The following NOTCH1 variants were observed in gnomAD, a reference collection of about 807,000 sequenced individuals.
The protein encoded by NOTCH1 is neurogenic locus notch homolog protein 1.
NOTCH1 carries 37 observed loss-of-function variants against 254.8 expected under a neutral mutation model. That is an observed-to-expected ratio of 0.15 (90% CI 0.11 to 0.19). The LOEUF is 0.19. Among genes scored for constraint, NOTCH1 ranks in the 10% least tolerant of loss-of-function variants. The pLI is 1.00. For synonymous variants in NOTCH1, 1,731 were observed against 1,618.1 expected (o/e 1.07, Z -1.68); for missense variants, 2,972 against 3,708.6 (o/e 0.80, Z 5.16).
chr9:136,499,979 T>C (rs1325578466), intron 31 of NOTCH1, among the ~76,000 whole-genome samples: 1 of 152,198 alleles, frequency 6.6e-6, no homozygotes, highest in Non-Finnish European at 1.5e-5. Flanking sequence ...CTGAACCTGC[T>C]TGCTCCAGGG....
At chr9:136,509,479 G>A (rs1843143068) in intron 18 of NOTCH1, among the ~76,000 whole-genome samples, 1 of 152,218 alleles carries the variant, frequency 6.6e-6, no homozygotes, top group African/African-American at 2.4e-5. Flanking sequence ...AGTTCTCGTT[G>A]TCTAATAGAA....
At position 136,506,550 on chromosome 9, in the gene NOTCH1, C is replaced by T. The variant is rs769908800; in HGVS notation, c.3991G>A (p.Gly1331Arg). 8 of 1,607,126 alleles carry T rather than the reference C, an allele frequency of 5.0e-6. No individual in the cohort carries two copies. Among genetic ancestry groups the T allele is most frequent in the Non-Finnish European group, 6.8e-6 (8 of 1,178,128 alleles). The change falls in exon 24 of 34, where the codon GGG becomes AGG. Residue 1331 changes from glycine to arginine, a missense_variant. By Grantham distance (125) the Gly-to-Arg change is moderately radical (BLOSUM62 -2). Coordinates refer to ENST00000651671, the MANE Select transcript of NOTCH1 (RefSeq NM_017617.5). This position sits in a 1 kb window ranked among gnomAD's most constrained non-coding sequence, Gnocchi z 4.5. ...TCAVASNTAR[G>R]FICKCPAGFE... ...ACCGCAGGGCACTTGCAGATGAACC[C>T]GCGGGCGGTGTTGGAGGCCACGGCG...
intron 5 of NOTCH1, 30 bp downstream of exon 5, chr9:136,519,413 A>G (rs1269174764): frequency 6.2e-7 from 1 of 1,611,808 alleles, no homozygotes; most frequent in Non-Finnish European, 8.5e-7. Flanking sequence ...CGCCCCGGCT[A>G]CCCCGCCCTG....
chr9:136,536,037 AG>A (rs1032686232), intron 2 of NOTCH1, among the ~76,000 whole-genome samples: 28 of 149,568 alleles, frequency 1.9e-4, no homozygotes, highest in East Asian at 5.9e-4. Context: ...GGTACAGGGT[AG>A]GGGGGCGCAC....
chr9:136,498,324 A>G (rs1370483149), intron 33 of NOTCH1, among the ~76,000 whole-genome samples: 1 of 149,310 alleles, frequency 6.7e-6, no homozygotes, highest in Non-Finnish European at 1.5e-5. Context: ...CAGCAGCTGC[A>G]GGGCCAGGAG....
chr9:136,520,283 G>A (rs1403805241), intron 4 of NOTCH1, among the ~76,000 whole-genome samples: 7 of 151,976 alleles, frequency 4.6e-5, no homozygotes, highest in African/African-American at 9.7e-5. Context: ...TTGAACCCCC[G>A]TTGCCCTTGG....
Position 136,513,929 on chromosome 9 carries a change from T to C in NOTCH1, c.2208-392A>G, listed in dbSNP as rs1843222680. 6.6e-6 allele frequency among the ~76,000 whole-genome samples: 1 copy of C among 152,192 alleles called. No individual in the cohort carries two copies. Among genetic ancestry groups the C allele is most frequent in the South Asian group, 2.1e-4 (1 of 4,838 alleles). On this transcript the variant is annotated intron_variant, in intron 13 of 33. Transcript: ENST00000651671. The surrounding 1 kb of genome is among the most constrained non-coding windows in gnomAD (Gnocchi z 4.7). ...TTGCAGTGAGCTGAGATCATGCCAT[T>C]GCACTCCAGCCTGGACAACAGAGCA... is the stretch of plus-strand genomic sequence containing the variant.
At position 136,510,640 on chromosome 9, in the gene NOTCH1, CG is replaced by C; in HGVS notation, c.2740+12del. ...AGCTTCCTGGAGGAGGCCAGAGCCGCGGGGCTACTCACTGGGCCGGCAGTCG... is the reference window on the plus strand; with the variant it reads ...AGCTTCCTGGAGGAGGCCAGAGCCGCGGGCTACTCACTGGGCCGGCAGTCG... On this transcript the variant is annotated intron_variant, in intron 17 of 33. Transcript: ENST00000651671. 1 of 1,601,114 alleles carries C rather than the reference CG, an allele frequency of 6.2e-7. No individual in the cohort carries two copies.
intron 1 of NOTCH1, among the ~76,000 whole-genome samples, chr9:136,544,760 C>G (rs1427485689): frequency 6.6e-6 from 1 of 152,174 alleles, no homozygotes; most frequent in Non-Finnish European, 1.5e-5. Flanking sequence ...CAATACCTGC[C>G]TCCGCGGGCG....
At chr9:136,517,664 G>T in intron 8 of NOTCH1, 88 bp downstream of exon 8, 1 of 1,522,842 alleles carries the variant, frequency 6.6e-7, no homozygotes. Context: ...TGGGGAAAGC[G>T]GAAGCAACCC....
chr9:136,519,599 T>G, intron 4 of NOTCH1, 34 bp from the exon 5 acceptor site: 1 of 1,612,192 alleles, frequency 6.2e-7, no homozygotes, highest in South Asian at 1.1e-5. Context: ...GCCTCTTCCC[T>G]GAGGTCCAGT....
chr9:136,525,556 G>T (rs1038322003), intron 2 of NOTCH1, among the ~76,000 whole-genome samples: 20 of 152,342 alleles, frequency 1.3e-4, no homozygotes, highest in African/African-American at 4.6e-4. Context: ...ATGTACAGAG[G>T]GAACCGTCCC....
In NOTCH1 at chr9:136,497,726, C is replaced by T. The variant is rs554908160; in HGVS notation, c.6181-168G>A. 1.5e-3 allele frequency among the ~76,000 whole-genome samples: 235 copies of T among 152,310 alleles called. 2 individuals are homozygous for T. The Middle Eastern group carries it at 0.051, about 33-fold the overall frequency. On this transcript the variant is annotated intron_variant, in intron 33 of 33. Coordinates refer to ENST00000651671, the MANE Select transcript of NOTCH1 (RefSeq NM_017617.5). ...AGCGTCCTGCAACCACCTAGCCTGA[C>T]TCTTGTTAAATGTTAAGGCTTTGAT...
chr9:136,545,636 C>G lies in NOTCH1; in HGVS notation c.61+90G>C. On this transcript the variant is annotated intron_variant, in intron 1 of 33. Transcript: ENST00000651671. The surrounding 1 kb of genome is among the most constrained non-coding windows in gnomAD (Gnocchi z 6.8). ...TCTCCATGCTGGCCTCCCCGCCGCC[C>G]GCTCCCAGCCGTGGGGCGCGCGCGC... The G allele has an allele frequency of 9.0e-7, 1 of 1,113,810 alleles. No homozygotes were observed. 69.0% of individuals were successfully genotyped at this position (1,113,810 alleles called of 1,614,324 possible). A position where few individuals can be genotyped will look rare whatever the true frequency, so the allele number is the denominator to read the frequency against.
intron 27 of NOTCH1, 52 bp downstream of exon 27, chr9:136,503,130 G>T (rs773231410): frequency 6.8e-6 from 11 of 1,610,886 alleles, no homozygotes; most frequent in African/African-American, 5.3e-5. Flanking sequence ...GGGCACGGGG[G>T]GATGGCACCC....
At chr9:136,528,870 T>C (rs1843515897) in intron 2 of NOTCH1, among the ~76,000 whole-genome samples, 1 of 152,118 alleles carries the variant, frequency 6.6e-6, no homozygotes, top group Non-Finnish European at 1.5e-5. Context: ...CAACAGCTGC[T>C]GCTCCCAGGG....
At chr9:136,519,417 C>G in intron 5 of NOTCH1, 26 bp downstream of exon 5, 1 of 1,612,188 alleles carries the variant, frequency 6.2e-7, no homozygotes, top group South Asian at 1.1e-5. Flanking sequence ...CCGGCTACCC[C>G]GCCCTGCGGC....
In NOTCH1 at chr9:136,500,594, C is replaced by T. The variant is rs769135138; in HGVS notation, c.5892G>A (p.Pro1964=). The change falls in exon 31 of 34, where the codon CCG becomes CCA. Residue 1964 remains proline, a synonymous_variant. Coordinates refer to ENST00000651671, the MANE Select transcript of NOTCH1 (RefSeq NM_017617.5). ...CGTCGGCAGACACAGCCGCATGCAGCGGGGTGCGGCCCATGTTGTCCTGGA... is the reference window on the plus strand; with the variant it reads ...CGTCGGCAGACACAGCCGCATGCAGTGGGGTGCGGCCCATGTTGTCCTGGA... ...ANIQDNMGRT[P]LHAAVSADAQ... is the part of the protein sequence containing the mutation. 4.7e-5 allele frequency: 76 copies of T among 1,611,798 alleles called. No homozygotes were observed. The highest frequency in any genetic ancestry group is 5.9e-5 in the Non-Finnish European group (70 of 1,179,890).
intron 2 of NOTCH1, among the ~76,000 whole-genome samples, chr9:136,530,505 G>A (rs1370460381): frequency 6.6e-6 from 1 of 152,166 alleles, no homozygotes; most frequent in Admixed American, 6.5e-5. Flanking sequence ...CCACTCTGGG[G>A]GCATGTGGCC....
Sources: gnomAD v4.1 joint callset for allele counts (sites outside exome capture counted in the v4.1 genomes callset) on GRCh38, gnomAD v4.1.1 for gene constraint, Gnocchi (gnomAD v3.1) non-coding constraint, MANE v1.5 for transcripts, NCBI Gene and HGNC (gene_info 2026-07-23, HGNC 2026-07-21) for gene names.